RCHY1: variants seen among roughly 807,000 people sequenced by gnomAD.
The protein encoded by RCHY1 is RING finger and CHY zinc finger domain-containing protein 1.
A neutral mutation model predicts 41.6 loss-of-function variants in RCHY1; 21 were observed. The ratio of observed to expected loss-of-function variants is 0.51; its 90% CI spans 0.36 to 0.73. The LOEUF (loss-of-function observed/expected upper bound fraction) is 0.73. Among genes scored for constraint, RCHY1 ranks in the 30% least tolerant of loss-of-function variants. RCHY1 has a pLI of 0.00. For missense variants in RCHY1, 265 were observed against 325.3 expected, an observed-to-expected ratio of 0.81 and a Z score of 1.43; for synonymous variants, 79 against 102.9, an observed-to-expected ratio of 0.77 and a Z score of 1.41.
At chr4:75,514,071 AG>A in intron 1 of RCHY1, 125 bp downstream of exon 1, 1 of 1,433,090 alleles carries the variant, frequency 7.0e-7, no homozygotes, top group Admixed American at 2.3e-5. Flanking sequence ...ACCCAGTTCC[AG>A]GTGGAAAAGG....
chr4:75,514,634 G>GT, upstream of RCHY1: 1 of 216,298 alleles, frequency 4.6e-6, no homozygotes, highest in Non-Finnish European at 9.3e-6. Context: ...GGCCCCAGAG[G>GT]AAAGGACGCT....
chr4:75,486,966 A>G (rs146492974), intron 8 of RCHY1, among the ~76,000 whole-genome samples: 257 of 152,236 alleles, frequency 1.7e-3, no homozygotes, highest in African/African-American at 6.1e-3. Flanking sequence ...GTGACAGAGA[A>G]AGACTCCGTC....
chr4:75,508,988 C>G, intron 2 of RCHY1, 53 bp from the exon 3 acceptor site: 3 of 1,330,246 alleles, frequency 2.3e-6, no homozygotes, highest in South Asian at 2.6e-5. Context: ...TTTGAGTTAC[C>G]ATTTGAATAT....
At chr4:75,507,861 A>G (rs979769134) in intron 3 of RCHY1, among the ~76,000 whole-genome samples, 2 of 152,148 alleles carry the variant, frequency 1.3e-5, no homozygotes, top group Non-Finnish European at 2.9e-5. Flanking sequence ...ATATGATTCC[A>G]TTCATTAAAA....
chr4:75,508,004 T>C (rs1247303283), intron 3 of RCHY1, among the ~76,000 whole-genome samples: 1 of 152,082 alleles, frequency 6.6e-6, no homozygotes, highest in African/African-American at 2.4e-5. Context: ...CATGTTCATT[T>C]GTTAAAATTC....
chr4:75,507,582 A>G (rs1342017461), intron 3 of RCHY1, among the ~76,000 whole-genome samples: 1 of 152,094 alleles, frequency 6.6e-6, no homozygotes, highest in African/African-American at 2.4e-5. Flanking sequence ...TTAAAATTCA[A>G]CTATATGCTG....
chr4:75,481,536 T>C lies in RCHY1; in HGVS notation c.*1002A>G, dbSNP rs982631935. The C allele has an allele frequency of 7.9e-5, 12 of 152,292 alleles. No individual in the cohort carries two copies. Among genetic ancestry groups the C allele is most frequent in the African/African-American group, 2.9e-4 (12 of 41,584 alleles). 9.4% of individuals were successfully genotyped at this position (152,292 alleles called of 1,614,324 possible). A position where few individuals can be genotyped will look rare whatever the true frequency, so the allele number is the denominator to read the frequency against. Reference sequence around the variant, plus strand: ...ATCTTGCCAGGAATATCCCATGCCCTTCCCACTCATCCATCCCCTATTTTC... The same window carrying C: ...ATCTTGCCAGGAATATCCCATGCCCCTCCCACTCATCCATCCCCTATTTTC... On this transcript the variant is annotated 3_prime_UTR_variant, in exon 9 of 9. Coordinates refer to ENST00000324439, the MANE Select transcript of RCHY1 (RefSeq NM_015436.4).
chr4:75,479,747 A>G lies in RCHY1; in HGVS notation c.*2791T>C, dbSNP rs922951619. On this transcript the variant is annotated 3_prime_UTR_variant, in exon 9 of 9. Transcript: ENST00000324439. ...TACTTTTTTCAAAAATAATCCAAATAAACTATAGATACAAATTCTGCGGCA... is the reference window on the plus strand; with the variant it reads ...TACTTTTTTCAAAAATAATCCAAATGAACTATAGATACAAATTCTGCGGCA... The G allele has an allele frequency of 2.0e-5, 3 of 152,166 alleles. No individual in the cohort carries two copies. The highest frequency in any genetic ancestry group is 6.6e-5 in the Admixed American group (1 of 15,260). 9.4% of individuals were successfully genotyped at this position (152,166 alleles called of 1,614,324 possible).
intron 1 of RCHY1, among the ~76,000 whole-genome samples, chr4:75,512,811 G>A (rs950367661): frequency 6.8e-6 from 1 of 146,814 alleles, no homozygotes; most frequent in Admixed American, 7.2e-5. Flanking sequence ...CAAATCCAAA[G>A]GGCAATTCTC....
intron 8 of RCHY1, among the ~76,000 whole-genome samples, chr4:75,484,558 A>G (rs891556204): frequency 1.3e-5 from 2 of 152,094 alleles, no homozygotes; most frequent in African/African-American, 4.8e-5. Context: ...TTAAGTAGAG[A>G]AAAATCACTG....
At chr4:75,501,143 G>A (rs928113026) in intron 3 of RCHY1, among the ~76,000 whole-genome samples, 1 of 152,220 alleles carries the variant, frequency 6.6e-6, no homozygotes, top group Admixed American at 6.5e-5. Context: ...CCGAATAGCT[G>A]GGATTACAGA....
chr4:75,486,957 T>C (rs1463435206), intron 8 of RCHY1, among the ~76,000 whole-genome samples: 1 of 152,084 alleles, frequency 6.6e-6, no homozygotes, highest in Non-Finnish European at 1.5e-5. Context: ...CCAGCCTGGG[T>C]GACAGAGAAA....
At chr4:75,508,629 T>C (rs1197616968) in intron 3 of RCHY1, among the ~76,000 whole-genome samples, 191 bp downstream of exon 3, 1 of 152,138 alleles carries the variant, frequency 6.6e-6, no homozygotes, top group Non-Finnish European at 1.5e-5. Flanking sequence ...CTTTTTAGAA[T>C]GGATATGTTC....
intron 7 of RCHY1, 171 bp downstream of exon 7, chr4:75,491,440 T>G: frequency 1.8e-6 from 1 of 560,616 alleles, no homozygotes; most frequent in Non-Finnish European, 3.1e-6. Context: ...TGTAGTTCTA[T>G]ATCCAAGACA....
intron 3 of RCHY1, among the ~76,000 whole-genome samples, chr4:75,502,940 C>A (rs1336368059): frequency 6.7e-6 from 1 of 149,902 alleles, no homozygotes; most frequent in East Asian, 2.0e-4. Flanking sequence ...TCCTTGAACA[C>A]AGTTGAGAAA....
At chr4:75,490,981 CTAAT>C (rs917689385) in intron 7 of RCHY1, 17 of 226,974 alleles carry the variant, frequency 7.5e-5, no homozygotes, top group African/African-American at 3.4e-4. Context: ...TTTTTATAAA[CTAAT>C]TAAGCTACTC....
chr4:75,501,571 C>T (rs74924378), intron 3 of RCHY1, among the ~76,000 whole-genome samples: 3,040 of 152,260 alleles, frequency 0.02, 42 homozygotes, highest in South Asian at 0.035. Context: ...AAAATGCCTA[C>T]TTGAAGTGAA....
intron 8 of RCHY1, among the ~76,000 whole-genome samples, chr4:75,486,138 A>G (rs1721979766): frequency 6.6e-6 from 1 of 152,120 alleles, no homozygotes; most frequent in Admixed American, 6.5e-5. Context: ...TCATCTTTAC[A>G]GCTCTGTCTT....
In RCHY1 at chr4:75,479,704, G is replaced by C. The variant is rs1016223858; in HGVS notation, c.*2834C>G. 5.9e-5 allele frequency: 9 copies of C among 151,886 alleles called. No homozygotes were observed. The highest frequency in any genetic ancestry group is 2.2e-4 in the African/African-American group (9 of 41,358). The allele number at this position is 151,886 out of a possible 1,614,324, so 9.4% of individuals were successfully genotyped here. On this transcript the variant is annotated 3_prime_UTR_variant, in exon 9 of 9. Coordinates refer to ENST00000324439, the MANE Select transcript of RCHY1 (RefSeq NM_015436.4). Reference sequence around the variant, plus strand: ...TGAGATGCTATGCACCAAAAAATTCGTAAGGGTATTGTTATTTTACTTTTT... The same window carrying C: ...TGAGATGCTATGCACCAAAAAATTCCTAAGGGTATTGTTATTTTACTTTTT...
Sources: allele counts gnomAD v4.1 joint callset (sites outside exome capture counted in the v4.1 genomes callset), GRCh38; gene constraint gnomAD v4.1.1; transcripts MANE v1.5; gene names NCBI Gene and HGNC (gene_info 2026-07-23, HGNC 2026-07-21).